The following RSRC1 variants were observed in gnomAD, a reference collection of about 807,000 sequenced individuals.
RSRC1 encodes arginine and serine rich coiled-coil 1.
RSRC1 carries 39 observed loss-of-function variants against 49.1 expected under a neutral mutation model. The ratio of observed to expected loss-of-function variants is 0.79; its 90% CI spans 0.61 to 1.04. The LOEUF (loss-of-function observed/expected upper bound fraction) is 1.04. Ranked by LOEUF, RSRC1 falls within the 50% of genes least tolerant of loss-of-function variation. RSRC1 has a pLI of 0.00. For synonymous variants in RSRC1, 143 were observed against 130.8 expected (o/e 1.09, Z -0.63); for missense variants, 388 against 402.4 (o/e 0.96, Z 0.31).
intron 6 of RSRC1, among the ~76,000 whole-genome samples, chr3:158,452,794 A>C (rs1404919117): frequency 6.6e-6 from 1 of 152,216 alleles, no homozygotes; most frequent in Non-Finnish European, 1.5e-5. Context: ...TTAACTTTGT[A>C]GATGGAATAT....
intron 4 of RSRC1, among the ~76,000 whole-genome samples, chr3:158,257,821 G>A (rs1370296627): frequency 2.6e-5 from 4 of 151,656 alleles, no homozygotes; most frequent in African/African-American, 9.7e-5. Context: ...TTGATTTGAG[G>A]TTACCATGAG....
At chr3:158,131,860 A>T (rs1716045633) in intron 3 of RSRC1, among the ~76,000 whole-genome samples, 1 of 152,194 alleles carries the variant, frequency 6.6e-6, no homozygotes, top group Admixed American at 6.5e-5. Context: ...AATATTTATT[A>T]ATTTGAAAAA....
At chr3:158,445,360 T>C (rs1736643239) in intron 6 of RSRC1, among the ~76,000 whole-genome samples, 1 of 152,098 alleles carries the variant, frequency 6.6e-6, no homozygotes, top group South Asian at 2.1e-4. Context: ...TGTAGGGACA[T>C]GGATGAAGCT....
intron 4 of RSRC1, among the ~76,000 whole-genome samples, chr3:158,295,155 A>G (rs914543304): frequency 9.2e-5 from 14 of 152,120 alleles, no homozygotes; most frequent in African/African-American, 3.4e-4. Flanking sequence ...TTGTGGGACA[A>G]GGAGAAGGTT....
chr3:158,222,069 G>C (rs1373633890), intron 4 of RSRC1, among the ~76,000 whole-genome samples: 1 of 151,288 alleles, frequency 6.6e-6, no homozygotes, highest in Admixed American at 6.6e-5. Context: ...GTTTTGGTGT[G>C]CATTTAGATT....
intron 4 of RSRC1, among the ~76,000 whole-genome samples, chr3:158,214,757 C>T (rs769692670): frequency 6.6e-6 from 1 of 151,678 alleles, no homozygotes; most frequent in Non-Finnish European, 1.5e-5. Flanking sequence ...TTTACTGATT[C>T]TAGCTTCATT....
intron 5 of RSRC1, among the ~76,000 whole-genome samples, chr3:158,315,317 G>C (rs73874371): frequency 0.076 from 11,642 of 152,206 alleles, 535 homozygotes; most frequent in South Asian, 0.13. Context: ...CACAGGAGGA[G>C]AAGGGAAATT....
At chr3:158,170,215 G>A (rs1414481073) in intron 3 of RSRC1, among the ~76,000 whole-genome samples, 1 of 151,014 alleles carries the variant, frequency 6.6e-6, no homozygotes, top group African/African-American at 2.4e-5. Flanking sequence ...TGAGGCAGCT[G>A]TTGCAAAACT....
At chr3:158,498,216 G>A (rs577103398) in intron 7 of RSRC1, among the ~76,000 whole-genome samples, 13 of 150,098 alleles carry the variant, frequency 8.7e-5, no homozygotes, top group African/African-American at 2.7e-4. Flanking sequence ...CCTGATCATC[G>A]CATCCATGCC....
chr3:158,146,443 G>T (rs1046249065), intron 3 of RSRC1, among the ~76,000 whole-genome samples: 2 of 152,074 alleles, frequency 1.3e-5, no homozygotes, highest in East Asian at 1.9e-4. Flanking sequence ...ATTGATTTGC[G>T]TATGTTGAAC....
intron 6 of RSRC1, among the ~76,000 whole-genome samples, chr3:158,376,219 T>C: frequency 7.9e-6 from 1 of 127,002 alleles, no homozygotes; most frequent in Non-Finnish European, 1.6e-5. Context: ...AAAGACAGAG[T>C]CTCACTCTGT....
intron 7 of RSRC1, among the ~76,000 whole-genome samples, chr3:158,483,504 G>C (rs1027222761): frequency 6.6e-6 from 1 of 152,020 alleles, no homozygotes; most frequent in South Asian, 2.1e-4. Context: ...CATGTGAAAT[G>C]AGCTGAAAAG....
intron 6 of RSRC1, among the ~76,000 whole-genome samples, chr3:158,395,903 T>C (rs1032431093): frequency 1.3e-5 from 2 of 152,124 alleles, no homozygotes; most frequent in Non-Finnish European, 2.9e-5. Flanking sequence ...ATTGCAGCAG[T>C]ATTCACACAC....
intron 7 of RSRC1, among the ~76,000 whole-genome samples, chr3:158,516,070 G>C: frequency 6.6e-6 from 1 of 152,114 alleles, no homozygotes; most frequent in Non-Finnish European, 1.5e-5. Flanking sequence ...GGAGTAATTT[G>C]ATCATCTGAA....
chr3:158,350,965 A>T (rs1489997340), intron 5 of RSRC1, among the ~76,000 whole-genome samples: 1 of 151,786 alleles, frequency 6.6e-6, no homozygotes, highest in South Asian at 2.1e-4. Context: ...TTGGTATGAA[A>T]TTTTTTTTTA....
chr3:158,202,562 T>TTATATATATATGTATATA (rs1553768415), intron 3 of RSRC1, among the ~76,000 whole-genome samples: 5 of 92,024 alleles, frequency 5.4e-5, no homozygotes, highest in African/African-American at 2.6e-4. Flanking sequence ...GTCTGGTAGA[T>TTATATATATATGTATATA]TATATATATA....
intron 5 of RSRC1, among the ~76,000 whole-genome samples, chr3:158,300,148 A>C (rs950978813): frequency 6.6e-6 from 1 of 152,186 alleles, no homozygotes; most frequent in Admixed American, 6.5e-5. Flanking sequence ...TTTGGGAATG[A>C]GAGAGCCAGG....
chr3:158,139,690 G>T (rs969799870), intron 3 of RSRC1, among the ~76,000 whole-genome samples: 20 of 148,938 alleles, frequency 1.3e-4, no homozygotes, highest in African/African-American at 4.5e-4. Flanking sequence ...CTGGAGTGCA[G>T]TAGCATGATC....
intron 3 of RSRC1, among the ~76,000 whole-genome samples, chr3:158,167,869 TG>T (rs922767789): frequency 5.3e-5 from 8 of 152,190 alleles, no homozygotes; most frequent in Non-Finnish European, 8.8e-5. Flanking sequence ...CTTCACTTGC[TG>T]TTTTTTGGAT....
Sources: allele counts gnomAD v4.1 joint callset (sites outside exome capture counted in the v4.1 genomes callset), GRCh38; gene constraint gnomAD v4.1.1; transcripts MANE v1.5; gene names NCBI Gene and HGNC (gene_info 2026-07-23, HGNC 2026-07-21).